The following DPH7 variants were observed in gnomAD, a reference collection of about 807,000 sequenced individuals.
DPH7 encodes the protein diphthine methyltransferase.
Under a neutral mutation model 41.7 loss-of-function variants are expected in DPH7, and 44 were observed. The observed-to-expected ratio is 1.05, with a 90% CI of 0.83 to 1.36. The LOEUF is 1.36. Ranked by LOEUF, DPH7 falls within the 40% of genes most tolerant of loss-of-function variation. DPH7 has a pLI of 0.00. For missense variants in DPH7, 629 were observed against 577.5 expected (o/e 1.09, Z -0.91); for synonymous variants, 275 against 238.0 (o/e 1.16, Z -1.43).
chr9:137,571,279 C>T (rs1168121065), intron 5 of DPH7, among the ~76,000 whole-genome samples: 2 of 151,904 alleles, frequency 1.3e-5, no homozygotes, highest in Non-Finnish European at 2.9e-5. Flanking sequence ...CTCTGCCTCC[C>T]GGGTTCAAGC....
chr9:137,559,020 G>A (rs1838032514), intron 8 of DPH7, among the ~76,000 whole-genome samples: 2 of 152,188 alleles, frequency 1.3e-5, no homozygotes, highest in African/African-American at 4.8e-5. Context: ...GCAAGAGACC[G>A]AGGACATGAG....
intron 5 of DPH7, among the ~76,000 whole-genome samples, chr9:137,571,586 G>A (rs897542993): frequency 7.2e-5 from 11 of 152,148 alleles, no homozygotes; most frequent in Non-Finnish European, 1.5e-4. Context: ...CTAGGCATTC[G>A]AGACCAGCCT....
chr9:137,577,060 A>T (rs939053210), intron 2 of DPH7, among the ~76,000 whole-genome samples: 2 of 151,912 alleles, frequency 1.3e-5, no homozygotes, highest in Non-Finnish European at 2.9e-5. Flanking sequence ...CCTCAAAAAA[A>T]AAAAAATTAA....
chr9:137,558,343 G>A (rs913120981), intron 8 of DPH7, among the ~76,000 whole-genome samples: 19 of 152,074 alleles, frequency 1.2e-4, no homozygotes, highest in Non-Finnish European at 2.4e-4. Context: ...GCTGCAGTGA[G>A]CTCTGACTCC....
Position 137,565,061 on chromosome 9 carries a change from G to A in DPH7, c.710+24C>T, listed in dbSNP as rs765884113. 54 of 1,613,654 alleles carry A rather than the reference G, an allele frequency of 3.3e-5. No homozygotes were observed. The Admixed American group carries it at 4.3e-4, about 13-fold the overall frequency. Reference sequence around the variant, plus strand: ...GAACGCGGGGGCTGGTGTGGGCACCGAGTGCTGGCCCTTGGGCAGTTACCT... The same window carrying A: ...GAACGCGGGGGCTGGTGTGGGCACCAAGTGCTGGCCCTTGGGCAGTTACCT... On this transcript the variant is annotated intron_variant, in intron 6 of 8. Transcript: ENST00000277540.
intron 2 of DPH7, chr9:137,576,410 T>A: frequency 1.9e-6 from 1 of 515,186 alleles, no homozygotes. Flanking sequence ...TATCTAAACA[T>A]AGAAAAGATA....
chr9:137,578,636 G>C lies in DPH7; in HGVS notation c.142C>G (p.Pro48Ala). The change falls in exon 1 of 9, where the codon CCC becomes GCC. Residue 48 changes from proline (P) to alanine (A), a missense_variant. Transcript: ENST00000277540. ...LRRPEDRPAG[P>A]QNKGGMEVKE... is the part of the protein sequence containing the mutation. Reference sequence around the variant, plus strand: ...CGCGGCGCGCGCACCTTGTTCTGGGGGCCGGCAGGCCGGTCCTCCGGCCGC... The same window carrying C: ...CGCGGCGCGCGCACCTTGTTCTGGGCGCCGGCAGGCCGGTCCTCCGGCCGC... The C allele has an allele frequency of 1.3e-6, 2 of 1,510,982 alleles. No homozygotes were observed. The highest frequency in any genetic ancestry group is 1.2e-5 in the South Asian group (1 of 81,220). The allele number at this position is 1,510,982 out of a possible 1,614,324, so 93.6% of individuals were successfully genotyped here.
intron 7 of DPH7, 22 bp downstream of exon 7, chr9:137,564,871 C>T (rs756560327): frequency 6.3e-6 from 10 of 1,580,634 alleles, no homozygotes; most frequent in East Asian, 2.3e-5. Flanking sequence ...GAGAAGGGCC[C>T]GAGAGCCTCC....
Position 137,559,322 on chromosome 9 carries a change from G to A in DPH7, c.950-3674C>T, listed in dbSNP as rs186929393. Among the ~76,000 whole-genome samples, 289 of 152,326 alleles carry A rather than the reference G, an allele frequency of 1.9e-3. 4 individuals are homozygous for A. The South Asian group carries it at 0.037, about 20-fold the overall frequency. ...GTCTAGCGGTGACGCCAGCATCTGG[G>A]AAGACGCCCGTTGCCAGGCGGACCA... On this transcript the variant is annotated intron_variant, in intron 8 of 8. Transcript: ENST00000277540.
chr9:137,573,071 G>T (rs1252378001), intron 5 of DPH7, among the ~76,000 whole-genome samples: 1 of 152,176 alleles, frequency 6.6e-6, no homozygotes, highest in African/African-American at 2.4e-5. Context: ...GCTCTCTAAA[G>T]AATAAGTGGG....
chr9:137,562,693 G>A (rs369060946), intron 8 of DPH7, among the ~76,000 whole-genome samples: 6 of 152,114 alleles, frequency 3.9e-5, no homozygotes, highest in African/African-American at 1.4e-4. Context: ...TTGAGCCCAG[G>A]GGCTGGGCAC....
intron 5 of DPH7, among the ~76,000 whole-genome samples, chr9:137,570,193 T>C (rs552243234): frequency 3.2e-5 from 4 of 125,494 alleles, no homozygotes; most frequent in African/African-American, 1.2e-4. Flanking sequence ...ACCCTCATAA[T>C]AGACACTACG....
At chr9:137,558,172 G>C (rs1588786627) in intron 8 of DPH7, among the ~76,000 whole-genome samples, 1 of 152,102 alleles carries the variant, frequency 6.6e-6, no homozygotes, top group East Asian at 1.9e-4. Context: ...CCTATACAGA[G>C]TACCTGACAA....
At chr9:137,574,903 C>G in intron 3 of DPH7, 60 bp from the exon 4 acceptor site, 3 of 1,604,436 alleles carry the variant, frequency 1.9e-6, no homozygotes, top group Non-Finnish European at 2.6e-6. Context: ...CCCCAAAAGA[C>G]TTTTCCTCTC....
chr9:137,577,745 T>G (rs1841674288), intron 1 of DPH7, 142 bp from the exon 2 acceptor site: 1 of 1,154,050 alleles, frequency 8.7e-7, no homozygotes. Flanking sequence ...TCTGGTTTTC[T>G]GAGCTGGAGA....
In DPH7 at chr9:137,554,632, G is replaced by A. The variant is rs1308697703; in HGVS notation, c.*607C>T. On this transcript the variant is annotated 3_prime_UTR_variant, in exon 9 of 9. Coordinates refer to ENST00000277540, the MANE Select transcript of DPH7 (RefSeq NM_138778.5). ...TTGTTTTACTTTTTATAGAGACTGG[G>A]TTTTGCTATGTTGCCCAGGCTGGTC... Among the ~76,000 whole-genome samples, 1 of 151,872 alleles carries A rather than the reference G, an allele frequency of 6.6e-6. No homozygotes were observed. The highest frequency in any genetic ancestry group is 1.5e-5 in the Non-Finnish European group (1 of 67,974).
chr9:137,559,223 T>A (rs1368522721), intron 8 of DPH7, among the ~76,000 whole-genome samples: 2 of 151,994 alleles, frequency 1.3e-5, no homozygotes, highest in South Asian at 2.1e-4. Context: ...TGAGGGGACA[T>A]AGTGAGGTGT....
At chr9:137,575,918 A>G (rs1841299672) in intron 3 of DPH7, 162 bp downstream of exon 3, 16 of 1,435,134 alleles carry the variant, frequency 1.1e-5, no homozygotes, top group Non-Finnish European at 1.5e-5. Flanking sequence ...GTAGAACGCA[A>G]TACAACTTAA....
Position 137,556,889 on chromosome 9 carries a change from G to A in DPH7, c.950-1241C>T, listed in dbSNP as rs142877974. ...CCTGGGAAAAAGACAGCGAATGAGT[G>A]GACGGAAGACACTGTTGCGACCCCA... On this transcript the variant is annotated intron_variant, in intron 8 of 8. Coordinates refer to ENST00000277540, the MANE Select transcript of DPH7 (RefSeq NM_138778.5). This position sits in a 1 kb window ranked among gnomAD's most constrained non-coding sequence, Gnocchi z 5.2. 4 of 456,642 alleles carry A rather than the reference G, an allele frequency of 8.8e-6. No homozygotes were observed. The highest frequency in any genetic ancestry group is 2.3e-5 in the Admixed American group (1 of 42,580). The allele number at this position is 456,642 out of a possible 1,614,324, so 28.3% of individuals were successfully genotyped here.
Sources: gnomAD v4.1 joint callset for allele counts (sites outside exome capture counted in the v4.1 genomes callset) on GRCh38, gnomAD v4.1.1 for gene constraint, Gnocchi (gnomAD v3.1) non-coding constraint, MANE v1.5 for transcripts, NCBI Gene and HGNC (gene_info 2026-07-23, HGNC 2026-07-21) for gene names.